DRC8: variants seen among roughly 807,000 people sequenced by gnomAD.
DRC8 encodes dynein regulatory complex protein 8.
At chr1:245,046,846 C>T in the DRC8 span, among the ~76,000 whole-genome samples, 14 of 152,198 alleles carry the variant, frequency 9.2e-5, no homozygotes, top group African/African-American at 2.4e-4. Context: ...TCTTCTCACT[C>T]GCTCTCTTAT....
the DRC8 span, among the ~76,000 whole-genome samples, chr1:245,018,703 A>G: frequency 6.6e-6 from 1 of 152,202 alleles, no homozygotes; most frequent in Admixed American, 6.5e-5. Flanking sequence ...GTATGGCATT[A>G]TGAGAGAGAG....
chr1:245,032,976 C>T, the DRC8 span, among the ~76,000 whole-genome samples: 1 of 149,804 alleles, frequency 6.7e-6, no homozygotes, highest in South Asian at 2.1e-4. Context: ...AGCAACATTT[C>T]AGGATTAAAA....
At chr1:245,011,017 G>A in the DRC8 span, among the ~76,000 whole-genome samples, 3,547 of 152,104 alleles carry the variant, frequency 0.023, 153 homozygotes, top group African/African-American at 0.081. Context: ...GGTACCAGAA[G>A]TATTTTGGAT....
chr1:245,015,787 C>A, the DRC8 span: 1 of 245,862 alleles, frequency 4.1e-6, no homozygotes, highest in Non-Finnish European at 8.2e-6. Flanking sequence ...ACCATTCTGG[C>A]CCACATCTCT....
At chr1:245,004,000 A>T in the DRC8 span, among the ~76,000 whole-genome samples, 1 of 44,888 alleles carries the variant, frequency 2.2e-5, no homozygotes, top group East Asian at 0.016. Context: ...GACAATAGGC[A>T]TGTGCCACCT....
the DRC8 span, among the ~76,000 whole-genome samples, chr1:245,112,125 C>T: frequency 3.3e-5 from 5 of 152,222 alleles, no homozygotes; most frequent in South Asian, 2.1e-4. Flanking sequence ...CCCAGGCTGG[C>T]GTGCAATGGC....
chr1:244,980,284 G>T, the DRC8 span, among the ~76,000 whole-genome samples: 4 of 151,790 alleles, frequency 2.6e-5, no homozygotes, highest in Non-Finnish European at 4.4e-5. Context: ...CTTGAACCCG[G>T]GAGGTGGAGG....
chr1:244,979,802 A>G, the DRC8 span, among the ~76,000 whole-genome samples: 1 of 152,078 alleles, frequency 6.6e-6, no homozygotes, highest in Non-Finnish European at 1.5e-5. Flanking sequence ...TATTTCAGGA[A>G]GAGAAGAAAT....
the DRC8 span, among the ~76,000 whole-genome samples, chr1:244,984,632 C>G: frequency 1.3e-5 from 2 of 152,002 alleles, no homozygotes; most frequent in African/African-American, 2.4e-5. Context: ...GTCAGGAGTT[C>G]GAGACCAGCC....
At chr1:245,087,646 C>T in the DRC8 span, 92 of 1,042,166 alleles carry the variant, frequency 8.8e-5, no homozygotes, top group African/African-American at 1.3e-3. Context: ...AGGTCACCTT[C>T]GAATTAATTA....
chr1:244,974,891 A>C, the DRC8 span, among the ~76,000 whole-genome samples: 1 of 151,522 alleles, frequency 6.6e-6, no homozygotes, highest in Non-Finnish European at 1.5e-5. Context: ...ACAGGGTTTC[A>C]CTGTGTTGGC....
the DRC8 span, among the ~76,000 whole-genome samples, chr1:245,006,203 T>C: frequency 6.6e-6 from 1 of 152,072 alleles, no homozygotes; most frequent in Non-Finnish European, 1.5e-5. Flanking sequence ...CCTAGCAAAA[T>C]GTGGATTATG....
the DRC8 span, among the ~76,000 whole-genome samples, chr1:244,988,144 T>A: frequency 6.6e-6 from 1 of 152,242 alleles, no homozygotes; most frequent in African/African-American, 2.4e-5. Flanking sequence ...GGCTTTCATA[T>A]ACCCAATATG....
At chr1:245,112,335 A>G in the DRC8 span, among the ~76,000 whole-genome samples, 1 of 152,192 alleles carries the variant, frequency 6.6e-6, no homozygotes, top group African/African-American at 2.4e-5. Context: ...CGGCCTCCCA[A>G]AGTGCTGGGA....
At chr1:244,970,451 AGGGGAGCC>A in the DRC8 span, 8 of 1,526,472 alleles carry the variant, frequency 5.2e-6, no homozygotes, top group Non-Finnish European at 7.0e-6. Flanking sequence ...AAGGTAAGGT[AGGGGAGCC>A]GGGGAGCCGC....
chr1:245,025,868 C>G, the DRC8 span, among the ~76,000 whole-genome samples: 1 of 152,216 alleles, frequency 6.6e-6, no homozygotes, highest in African/African-American at 2.4e-5. Context: ...CTCTTTCCTG[C>G]CGCCATGTAA....
chr1:245,011,126 TA>T, the DRC8 span, among the ~76,000 whole-genome samples: 1 of 152,216 alleles, frequency 6.6e-6, no homozygotes, highest in Non-Finnish European at 1.5e-5. Context: ...ATGTTTCATA[TA>T]AACCCTATAG....
the DRC8 span, among the ~76,000 whole-genome samples, chr1:245,015,229 G>A: frequency 0.039 from 5,986 of 152,236 alleles, 418 homozygotes; most frequent in African/African-American, 0.13. Context: ...CAATCCTCCT[G>A]CCTGGGCCTA....
At chr1:245,059,486 G>C in the DRC8 span, 1 of 1,590,800 alleles carries the variant, frequency 6.3e-7, no homozygotes, top group South Asian at 1.1e-5. Context: ...GTTTCATTCA[G>C]CCAGCTCTCT....
Sources: allele counts gnomAD v4.1 joint callset (sites outside exome capture counted in the v4.1 genomes callset), GRCh38; gene constraint gnomAD v4.1.1; transcripts MANE v1.5; gene names NCBI Gene and HGNC (gene_info 2026-07-23, HGNC 2026-07-21).